Variants in SUGCT observed in about 807,000 individuals in gnomAD.
The protein encoded by SUGCT is succinyl-CoA:glutarate CoA-transferase.
SUGCT carries 41 observed loss-of-function variants against 55.0 expected under a neutral mutation model. The observed-to-expected ratio is 0.74, with a 90% CI of 0.58 to 0.97. The LOEUF (loss-of-function observed/expected upper bound fraction) is 0.97. SUGCT is among the 50% of genes least tolerant of loss of function. The pLI is 0.00. For missense variants in SUGCT, 568 were observed against 547.8 expected (o/e 1.04, Z -0.37); for synonymous variants, 187 against 200.4 (o/e 0.93, Z 0.56).
At chr7:40,215,678 C>T (rs541408204) in intron 6 of SUGCT, among the ~76,000 whole-genome samples, 11 of 151,934 alleles carry the variant, frequency 7.2e-5, no homozygotes, top group South Asian at 2.1e-4. Context: ...CTGGCTAACA[C>T]GGTGAAACCC....
At chr7:40,580,227 T>C (rs1797006707) in intron 12 of SUGCT, among the ~76,000 whole-genome samples, 1 of 152,228 alleles carries the variant, frequency 6.6e-6, no homozygotes, top group Non-Finnish European at 1.5e-5. Flanking sequence ...TATATAATAC[T>C]GTGTGTATAT....
intron 2 of SUGCT, 143 bp from the exon 3 acceptor site, chr7:40,181,812 C>A: frequency 1.8e-6 from 1 of 556,282 alleles, no homozygotes; most frequent in Non-Finnish European, 3.2e-6. Context: ...GCTCCTATTA[C>A]ATATGGCCAA....
intron 9 of SUGCT, among the ~76,000 whole-genome samples, chr7:40,336,397 A>G (rs1281396968): frequency 4.6e-5 from 7 of 152,154 alleles, no homozygotes; most frequent in Non-Finnish European, 7.4e-5. Context: ...TTTGGTTGAT[A>G]GGCTATTAAT....
intron 11 of SUGCT, among the ~76,000 whole-genome samples, chr7:40,495,227 C>CTTT (rs79094909): frequency 0.039 from 5,405 of 138,506 alleles, 327 homozygotes; most frequent in African/African-American, 0.13. Context: ...TATTTCTATG[C>CTTT]TTTTTTTTTT....
chr7:40,484,306 C>T (rs992859020), intron 11 of SUGCT, among the ~76,000 whole-genome samples: 2 of 152,110 alleles, frequency 1.3e-5, no homozygotes, highest in Admixed American at 1.3e-4. Context: ...TCTTTTCTCA[C>T]AGCATTCTTG....
chr7:40,968,427 C>G, the SUGCT span, among the ~76,000 whole-genome samples: 11 of 152,164 alleles, frequency 7.2e-5, no homozygotes, highest in African/African-American at 2.4e-4. Context: ...GGCATGGACA[C>G]AGCAAACCAT....
chr7:40,622,874 C>T (rs543627888), intron 12 of SUGCT, among the ~76,000 whole-genome samples: 6 of 152,258 alleles, frequency 3.9e-5, no homozygotes, highest in African/African-American at 1.2e-4. Context: ...CATGAAACCC[C>T]ATCTGGTTTA....
At chr7:40,999,905 C>T in the SUGCT span, among the ~76,000 whole-genome samples, 7 of 152,194 alleles carry the variant, frequency 4.6e-5, no homozygotes, top group South Asian at 1.2e-3. Context: ...TTTCTTTTGA[C>T]TTTAAAGGAA....
At chr7:40,703,356 A>C (rs879589067) in intron 12 of SUGCT, among the ~76,000 whole-genome samples, 5 of 152,110 alleles carry the variant, frequency 3.3e-5, no homozygotes, top group Non-Finnish European at 7.4e-5. Flanking sequence ...TCTTTTGAAC[A>C]GATTTTTCCT....
the SUGCT span, among the ~76,000 whole-genome samples, chr7:40,944,592 G>T: frequency 1.3e-5 from 2 of 152,078 alleles, no homozygotes; most frequent in East Asian, 3.9e-4. Context: ...GATAGTTGTA[G>T]ATATGCGGTG....
intron 6 of SUGCT, among the ~76,000 whole-genome samples, chr7:40,210,655 G>A (rs537298537): frequency 3.2e-3 from 486 of 152,250 alleles, no homozygotes; most frequent in Non-Finnish European, 5.3e-3. Flanking sequence ...CCTGGATAAG[G>A]AAGGGGAAGG....
At chr7:40,436,107 T>C (rs1788164137) in intron 9 of SUGCT, among the ~76,000 whole-genome samples, 1 of 151,946 alleles carries the variant, frequency 6.6e-6, no homozygotes, top group South Asian at 2.1e-4. Flanking sequence ...CACCCCCAGC[T>C]AATTTTTGTA....
chr7:40,577,372 C>T (rs1237903261), intron 12 of SUGCT, among the ~76,000 whole-genome samples: 1 of 151,368 alleles, frequency 6.6e-6, no homozygotes, highest in Non-Finnish European at 1.5e-5. Context: ...TAATTGGTCT[C>T]CATTATTTGT....
intron 13 of SUGCT, among the ~76,000 whole-genome samples, chr7:40,752,614 C>G (rs1788073081): frequency 6.6e-6 from 1 of 152,106 alleles, no homozygotes; most frequent in South Asian, 2.1e-4. Context: ...CCTCGGCCTC[C>G]CAAAGTGCTG....
At chr7:40,416,609 A>G (rs1373955713) in intron 9 of SUGCT, among the ~76,000 whole-genome samples, 1 of 151,946 alleles carries the variant, frequency 6.6e-6, no homozygotes, top group African/African-American at 2.4e-5. Flanking sequence ...GCTTTCTGAA[A>G]TAAACTGTAC....
intron 11 of SUGCT, among the ~76,000 whole-genome samples, chr7:40,484,579 T>A (rs577796406): frequency 6.6e-5 from 10 of 152,270 alleles, no homozygotes; most frequent in African/African-American, 2.4e-4. Flanking sequence ...CAATTCAAGA[T>A]CTCCTCCAGC....
chr7:40,474,408 A>C (rs997563720), intron 11 of SUGCT, among the ~76,000 whole-genome samples: 2 of 152,142 alleles, frequency 1.3e-5, no homozygotes, highest in Admixed American at 1.3e-4. Context: ...CTGTGTGTAC[A>C]TACTTTGGAA....
At chr7:40,333,702 T>TAA (rs1208680192) in intron 9 of SUGCT, among the ~76,000 whole-genome samples, 16 of 108,720 alleles carry the variant, frequency 1.5e-4, no homozygotes, top group African/African-American at 4.6e-4. Flanking sequence ...TATATATATA[T>TAA]AAATATTTAT....
chr7:40,828,482 G>A (rs1792469489), intron 13 of SUGCT, among the ~76,000 whole-genome samples: 1 of 151,598 alleles, frequency 6.6e-6, no homozygotes, highest in Non-Finnish European at 1.5e-5. Flanking sequence ...GCATATTGGG[G>A]CTTCCAAAGC....
Sources: allele counts gnomAD v4.1 joint callset (sites outside exome capture counted in the v4.1 genomes callset), GRCh38; gene constraint gnomAD v4.1.1; transcripts MANE v1.5; gene names NCBI Gene and HGNC (gene_info 2026-07-23, HGNC 2026-07-21).